BPGM: variants seen among roughly 807,000 people sequenced by gnomAD.
BPGM encodes the protein 2,3-bisphosphoglycerate mutase, erythrocyte.
A neutral mutation model predicts 21.6 loss-of-function variants in BPGM; 15 were observed. That is an observed-to-expected ratio of 0.70 (90% confidence interval 0.47 to 1.07). The LOEUF (loss-of-function observed/expected upper bound fraction) is 1.07, where lower values mean the gene tolerates loss of function less well. BPGM is among the 50% of genes least tolerant of loss of function. BPGM has a pLI of 0.00. For missense variants in BPGM, 273 were observed against 319.0 expected (o/e 0.86, Z 1.10); for synonymous variants, 113 against 116.2 (o/e 0.97, Z 0.18).
intron 2 of BPGM, among the ~76,000 whole-genome samples, chr7:134,663,140 G>A (rs186968681): frequency 3.9e-5 from 6 of 152,294 alleles, no homozygotes; most frequent in Admixed American, 1.3e-4. Context: ...TTTTCTATAA[G>A]AGGCTGTGAC....
At chr7:134,662,465 C>T (rs1795751919) in intron 2 of BPGM, among the ~76,000 whole-genome samples, 1 of 152,156 alleles carries the variant, frequency 6.6e-6, no homozygotes, top group Non-Finnish European at 1.5e-5. Flanking sequence ...GATTGGGGTT[C>T]CACACTTTGA....
At chr7:134,674,868 T>C (rs115389989) in intron 2 of BPGM, among the ~76,000 whole-genome samples, 233 of 152,306 alleles carry the variant, frequency 1.5e-3, no homozygotes, top group African/African-American at 5.3e-3. Context: ...GCCTTTTGCA[T>C]ACCTGATTTT....
Position 134,646,916 on chromosome 7 carries a change from GCT to G in BPGM, c.-82_-81del. The G allele has an allele frequency of 1.6e-5, 3 of 190,512 alleles. No individual in the cohort carries two copies. Among genetic ancestry groups the G allele is most frequent in the South Asian group, 7.0e-5 (1 of 14,190 alleles). The allele number at this position is 190,512 out of a possible 1,614,324, so 11.8% of individuals were successfully genotyped here. A position where few individuals can be genotyped will look rare whatever the true frequency, so the allele number is the denominator to read the frequency against. Reference sequence around the variant, plus strand: ...AGGAGCGGCTGCTGCTGCTGCTGCTGCTGCTGGTGGCCCCTTTGCAGGTGAGT... The same window carrying G: ...AGGAGCGGCTGCTGCTGCTGCTGCTGGCTGGTGGCCCCTTTGCAGGTGAGT... On this transcript the variant is annotated 5_prime_UTR_variant, in exon 1 of 3. It removes the in-frame stop codon of an upstream open reading frame in the 5' UTR. Transcript: ENST00000344924.
At chr7:134,662,749 G>A (rs1032369258) in intron 2 of BPGM, among the ~76,000 whole-genome samples, 7 of 152,174 alleles carry the variant, frequency 4.6e-5, no homozygotes, top group African/African-American at 1.7e-4. Flanking sequence ...GAAACTAAAA[G>A]GATAGTTGGT....
chr7:134,669,448 G>A (rs887246460), intron 2 of BPGM, among the ~76,000 whole-genome samples: 4 of 151,118 alleles, frequency 2.6e-5, no homozygotes, highest in African/African-American at 7.3e-5. Flanking sequence ...AATTTCTTTA[G>A]CCTTAATTGG....
In BPGM at chr7:134,658,892, A is replaced by ATTTTTTTTTTTTTTTTTT. The variant is rs1554411129; in HGVS notation, c.-61-2545_-61-2544insTTTTTTTTTTTTTTTTTT. On this transcript the variant is annotated intron_variant, in intron 1 of 2. Coordinates refer to ENST00000344924, the MANE Select transcript of BPGM (RefSeq NM_001724.5). ...TCTGTTCTGGTGTGTGTGTGTGTGT[A>ATTTTTTTTTTTTTTTTTT]TTTTTTTTTTAGTAAAAAGAAAACA... 4.7e-3 allele frequency among the ~76,000 whole-genome samples: 681 copies of ATTTTTTTTTTTTTTTTTT among 143,648 alleles called. 20 individuals are homozygous for ATTTTTTTTTTTTTTTTTT. Among genetic ancestry groups the ATTTTTTTTTTTTTTTTTT allele is most frequent in the African/African-American group, 0.016 (618 of 37,964 alleles). The allele number at this position is 143,648 out of a possible 152,430, so 94.2% of individuals were successfully genotyped here.
chr7:134,657,946 A>T (rs1795666002), intron 1 of BPGM, among the ~76,000 whole-genome samples: 2 of 152,304 alleles, frequency 1.3e-5, no homozygotes, highest in South Asian at 4.1e-4. Flanking sequence ...TGTACCATTT[A>T]TCTGTGGCCT....
At chr7:134,668,189 A>G (rs1027203382) in intron 2 of BPGM, among the ~76,000 whole-genome samples, 1 of 152,194 alleles carries the variant, frequency 6.6e-6, no homozygotes, top group African/African-American at 2.4e-5. Context: ...AAAAGAAGAC[A>G]GGTGCTGTTG....
At chr7:134,653,584 C>G (rs545493389) in intron 1 of BPGM, among the ~76,000 whole-genome samples, 73 of 152,208 alleles carry the variant, frequency 4.8e-4, no homozygotes, top group African/African-American at 1.5e-3. Context: ...TCTTATCTTT[C>G]TAGGCTAGTC....
chr7:134,663,368 ATGTG>A (rs146657759), intron 2 of BPGM, among the ~76,000 whole-genome samples: 3 of 151,062 alleles, frequency 2.0e-5, no homozygotes, highest in Non-Finnish European at 3.0e-5. Flanking sequence ...GGCACTTGAT[ATGTG>A]TGTGTGTGTG....
intron 2 of BPGM, among the ~76,000 whole-genome samples, chr7:134,666,991 G>A (rs548220538): frequency 3.3e-5 from 5 of 152,136 alleles, no homozygotes; most frequent in Non-Finnish European, 7.3e-5. Context: ...TCACTCACCA[G>A]AATAGGCATG....
At chr7:134,657,176 G>T (rs1282880942) in intron 1 of BPGM, among the ~76,000 whole-genome samples, 1 of 152,188 alleles carries the variant, frequency 6.6e-6, no homozygotes, top group Non-Finnish European at 1.5e-5. Context: ...ACTTCATTGT[G>T]CCTCGCATTA....
chr7:134,653,324 C>A (rs1279779906), intron 1 of BPGM, among the ~76,000 whole-genome samples: 1 of 152,164 alleles, frequency 6.6e-6, no homozygotes, highest in East Asian at 1.9e-4. Flanking sequence ...GCTATAGTGT[C>A]TTTCACGTTT....
At chr7:134,651,896 C>T (rs1281738441) in intron 1 of BPGM, among the ~76,000 whole-genome samples, 1 of 152,070 alleles carries the variant, frequency 6.6e-6, no homozygotes, top group African/African-American at 2.4e-5. Flanking sequence ...GTATACATTC[C>T]CCTGAAGTGT....
chr7:134,648,148 G>GTTTTTT (rs1554409887), intron 1 of BPGM, among the ~76,000 whole-genome samples: 35 of 144,416 alleles, frequency 2.4e-4, no homozygotes, highest in East Asian at 8.2e-4. Flanking sequence ...TTTTTGTTTT[G>GTTTTTT]TTTTCAGACG....
intron 1 of BPGM, among the ~76,000 whole-genome samples, chr7:134,652,064 C>T (rs772346922): frequency 1.3e-3 from 204 of 152,284 alleles, no homozygotes; most frequent in Non-Finnish European, 2.5e-3. Context: ...AAGCAAAAGT[C>T]AAGTACTCAG....
chr7:134,662,011 T>C lies in BPGM; in HGVS notation c.504T>C (p.Tyr168=), dbSNP rs749493519. ...ATGTTCTGGAGAGACTCCTTCCCTATTGGAATGAAAGGATTGCTCCCGAAG... is the reference window on the plus strand; with the variant it reads ...ATGTTCTGGAGAGACTCCTTCCCTACTGGAATGAAAGGATTGCTCCCGAAG... ...LKDVLERLLP[Y]WNERIAPEVL... The change falls in exon 2 of 3, where the codon TAT becomes TAC. Residue 168 remains tyrosine, a synonymous_variant. Coordinates refer to ENST00000344924, the MANE Select transcript of BPGM (RefSeq NM_001724.5). 2.5e-6 allele frequency: 4 copies of C among 1,614,118 alleles called. No individual in the cohort carries two copies. Among genetic ancestry groups the C allele is most frequent in the Non-Finnish European group, 3.4e-6 (4 of 1,180,008 alleles).
intron 2 of BPGM, among the ~76,000 whole-genome samples, chr7:134,664,034 G>T (rs572820136): frequency 6.6e-6 from 1 of 152,274 alleles, no homozygotes; most frequent in Admixed American, 6.5e-5. Context: ...TTCTACATTT[G>T]AGGGAGGCTT....
intron 2 of BPGM, among the ~76,000 whole-genome samples, chr7:134,669,776 A>G (rs889875): frequency 0.56 from 84,700 of 152,058 alleles, 24,539 homozygotes; most frequent in East Asian, 0.77. Context: ...GAAGAAGTCA[A>G]AACAAGACAT....
Sources: allele counts gnomAD v4.1 joint callset (sites outside exome capture counted in the v4.1 genomes callset), GRCh38; gene constraint gnomAD v4.1.1; transcripts MANE v1.5; gene names NCBI Gene and HGNC (gene_info 2026-07-23, HGNC 2026-07-21).